HFM1: variants seen among roughly 807,000 people sequenced by gnomAD.
HFM1 encodes helicase for meiosis 1.
In HFM1, 169 loss-of-function variants were observed where a neutral mutation model predicts 192.1. The ratio of observed to expected loss-of-function variants is 0.88; its 90% CI spans 0.78 to 1.00. The LOEUF (loss-of-function observed/expected upper bound fraction) is 1.00. Ranked by LOEUF, HFM1 falls within the 50% of genes least tolerant of loss-of-function variation. The pLI is 0.00. For synonymous variants in HFM1, 525 were observed against 537.8 expected (o/e 0.98, Z 0.33); for missense variants, 1,661 against 1,668.0 (o/e 1.00, Z 0.07).
chr1:91,275,365 T>C (rs891837406), intron 32 of HFM1, among the ~76,000 whole-genome samples: 2 of 152,320 alleles, frequency 1.3e-5, no homozygotes, highest in African/African-American at 2.4e-5. Flanking sequence ...TTTATTCCTG[T>C]GGCTTCAATT....
intron 30 of HFM1, among the ~76,000 whole-genome samples, chr1:91,278,142 C>A (rs1304642129): frequency 6.6e-6 from 1 of 150,818 alleles, no homozygotes; most frequent in East Asian, 1.9e-4. Flanking sequence ...GTACTGCTGA[C>A]AGAAGTTAGT....
intron 23 of HFM1, 117 bp from the exon 24 acceptor site, chr1:91,319,507 T>C (rs1403234439): frequency 8.1e-6 from 5 of 618,730 alleles, no homozygotes; most frequent in African/African-American, 1.9e-5. Context: ...ATTTCTGCAA[T>C]ACTACATGAT....
rs564349971 is a variant in HFM1 at position 91,269,034 on chromosome 1, C to CA, written c.3773-1180dup. Among the ~76,000 whole-genome samples the CA allele has an allele frequency of 2.4e-3, 358 of 152,198 alleles. 3 individuals are homozygous for CA. The highest frequency in any genetic ancestry group is 6.7e-3 in the Admixed American group (103 of 15,284). ...CAATGTAATGGCTACAATAACAACA[C>CA]ACATTTGTTTAATCTACAATATTAA... is the stretch of plus-strand genomic sequence containing the variant. On this transcript the variant is annotated intron_variant, in intron 34 of 38. Transcript: ENST00000370425.
rs1653267941 is a variant in HFM1 at position 91,328,457 on chromosome 1, A to C, written c.2336-3691T>G. ...ACCCGGGAGAATGACATCAAGAGCT[A>C]CTTTGGCCGTAAGGTGGCCATTGAT... On this transcript the variant is annotated intron_variant, in intron 20 of 38. Transcript: ENST00000370425. 1.9e-6 allele frequency: 3 copies of C among 1,613,086 alleles called. No homozygotes were observed. The South Asian group carries it at 3.3e-5, about 18-fold the overall frequency.
At chr1:91,354,265 C>G (rs1234245830) in intron 13 of HFM1, among the ~76,000 whole-genome samples, 1 of 151,180 alleles carries the variant, frequency 6.6e-6, no homozygotes, top group Non-Finnish European at 1.5e-5. Flanking sequence ...AGTTAGGTTT[C>G]TGAAATAGCC....
At position 91,319,288 on chromosome 1, in the gene HFM1, CAT is replaced by C. The variant is rs760336250; in HGVS notation, c.2680+3_2680+4del. The C allele has an allele frequency of 2.5e-6, 4 of 1,607,120 alleles. No individual in the cohort carries two copies. The East Asian group carries it at 8.9e-5, about 36-fold the overall frequency. ...TATTTAAAATCCACTAATCCTGTAA[CAT>C]ACATCTTGTAATTCGGGAGCCATGT... On this transcript the variant is annotated splice_donor_region_variant and intron_variant, in intron 24 of 38. Coordinates refer to ENST00000370425, the MANE Select transcript of HFM1 (RefSeq NM_001017975.6).
chr1:91,266,530 T>G (rs1665780250), intron 35 of HFM1, among the ~76,000 whole-genome samples: 1 of 152,190 alleles, frequency 6.6e-6, no homozygotes, highest in African/African-American at 2.4e-5. Flanking sequence ...AAAAACAGTT[T>G]GTGTTTTTGC....
chr1:91,278,324 C>T (rs890988753), intron 30 of HFM1, among the ~76,000 whole-genome samples: 1 of 151,928 alleles, frequency 6.6e-6, no homozygotes, highest in South Asian at 2.1e-4. Flanking sequence ...TATTTTAAAT[C>T]AGCTTTTTCT....
At chr1:91,347,336 A>G in intron 19 of HFM1, 93 bp downstream of exon 19, 1 of 640,164 alleles carries the variant, frequency 1.6e-6, no homozygotes. Context: ...TTTTTAAAAA[A>G]TGATTTACAA....
chr1:91,336,441 G>A (rs1267460197), intron 20 of HFM1, among the ~76,000 whole-genome samples: 5 of 146,902 alleles, frequency 3.4e-5, no homozygotes, highest in South Asian at 2.1e-4. Flanking sequence ...CCTCCATCCT[G>A]TCCTTTCTTC....
chr1:91,350,671 T>C, intron 18 of HFM1, 67 bp downstream of exon 18: 3 of 1,436,154 alleles, frequency 2.1e-6, no homozygotes, highest in Non-Finnish European at 2.9e-6. Flanking sequence ...TCCTGTAACT[T>C]ATTAGTATAA....
intron 32 of HFM1, among the ~76,000 whole-genome samples, chr1:91,275,773 T>C (rs1375719246): frequency 2.0e-5 from 3 of 152,194 alleles, no homozygotes; most frequent in Non-Finnish European, 4.4e-5. Context: ...GCTTAGATTA[T>C]TGTAAAAACC....
intron 33 of HFM1, 62 bp downstream of exon 33, chr1:91,274,668 T>G: frequency 5.0e-6 from 4 of 808,028 alleles, no homozygotes; most frequent in Non-Finnish European, 8.3e-6. Flanking sequence ...AATAAGTGGT[T>G]ACCTGCAGGA....
At chr1:91,313,127 C>A (rs1226190736) in intron 30 of HFM1, among the ~76,000 whole-genome samples, 1 of 151,954 alleles carries the variant, frequency 6.6e-6, no homozygotes, top group Non-Finnish European at 1.5e-5. Context: ...AATACATATA[C>A]CAAAAGATGA....
intron 30 of HFM1, among the ~76,000 whole-genome samples, chr1:91,287,034 C>T (rs1248093294): frequency 1.3e-5 from 2 of 152,156 alleles, no homozygotes; most frequent in African/African-American, 4.8e-5. Context: ...TCGCTGATTG[C>T]TAGCACAGCA....
At chr1:91,369,570 T>C (rs115034704) in intron 13 of HFM1, among the ~76,000 whole-genome samples, 3,878 of 152,066 alleles carry the variant, frequency 0.026, 70 homozygotes, top group African/African-American at 0.033. Context: ...AATGTAACAA[T>C]CTCTGGGACA....
intron 1 of HFM1, 51 bp downstream of exon 1, chr1:91,404,747 T>C: frequency 4.8e-6 from 2 of 418,400 alleles, no homozygotes; most frequent in Non-Finnish European, 9.7e-6. Flanking sequence ...CCCGCGGGCG[T>C]CGGGCCCCCG....
chr1:91,361,387 T>C lies in HFM1; in HGVS notation c.1686-8088A>G, dbSNP rs189874246. ...ATGGGGGATATCACCACTGACCCCATAGAAATACAAACAACCATCAGAGAA... is the reference window on the plus strand; with the variant it reads ...ATGGGGGATATCACCACTGACCCCACAGAAATACAAACAACCATCAGAGAA... On this transcript the variant is annotated intron_variant, in intron 13 of 38. Transcript: ENST00000370425. Among the ~76,000 whole-genome samples, 307 of 152,074 alleles carry C rather than the reference T, an allele frequency of 2.0e-3. 4 individuals are homozygous for C. The highest frequency in any genetic ancestry group is 7.2e-3 in the African/African-American group (297 of 41,500).
intron 30 of HFM1, among the ~76,000 whole-genome samples, chr1:91,302,781 G>T (rs1649013886): frequency 6.7e-6 from 1 of 148,296 alleles, no homozygotes; most frequent in South Asian, 2.2e-4. Context: ...GGGGCCTGTT[G>T]TGGGGTGGGG....
Sources: allele counts gnomAD v4.1 joint callset (sites outside exome capture counted in the v4.1 genomes callset), GRCh38; gene constraint gnomAD v4.1.1; transcripts MANE v1.5; gene names NCBI Gene and HGNC (gene_info 2026-07-23, HGNC 2026-07-21).